SRP68: variants seen among roughly 807,000 people sequenced by gnomAD.
SRP68 encodes the protein signal recognition particle subunit SRP68.
SRP68 carries 15 observed loss-of-function variants against 82.2 expected under a neutral mutation model. The observed-to-expected ratio is 0.18, with a 90% CI of 0.12 to 0.28. SRP68 has a LOEUF of 0.28. Ranked by LOEUF, SRP68 falls within the 10% of genes least tolerant of loss-of-function variation. SRP68 has a pLI of 1.00. For synonymous variants in SRP68, 261 were observed against 292.6 expected (o/e 0.89, Z 1.10); for missense variants, 595 against 780.5 (o/e 0.76, Z 2.83).
At chr17:76,040,388 G>A (rs199987112) in intron 15 of SRP68, 31 bp downstream of exon 15, 86 of 1,600,884 alleles carry the variant, frequency 5.4e-5, no homozygotes, top group Middle Eastern at 3.3e-4. Context: ...ATCCTGCTTC[G>A]TATTCCTCAA....
chr17:76,064,993 T>C (rs986834357), intron 3 of SRP68, among the ~76,000 whole-genome samples: 8 of 152,168 alleles, frequency 5.3e-5, no homozygotes, highest in Admixed American at 1.3e-4. Flanking sequence ...CATGTAGTAA[T>C]ACAAATAACA....
At chr17:76,068,601 G>A (rs923608344) in intron 2 of SRP68, among the ~76,000 whole-genome samples, 1 of 152,174 alleles carries the variant, frequency 6.6e-6, no homozygotes, top group Non-Finnish European at 1.5e-5. Flanking sequence ...AGAAAAGTGA[G>A]GAAGCCAATT....
At chr17:76,057,599 T>C (rs899859827) in intron 7 of SRP68, 56 bp from the exon 8 acceptor site, 14 of 1,570,916 alleles carry the variant, frequency 8.9e-6, no homozygotes, top group Non-Finnish European at 1.2e-5. Context: ...GTGATGGAGG[T>C]GAAAATAAGT....
At chr17:76,062,987 G>A (rs945500111) in intron 4 of SRP68, among the ~76,000 whole-genome samples, 16 of 150,772 alleles carry the variant, frequency 1.1e-4, no homozygotes, top group East Asian at 4.0e-4. Flanking sequence ...AGCCAGGATG[G>A]TCTCGATCTC....
chr17:76,066,668 C>G (rs1018639507), intron 3 of SRP68, among the ~76,000 whole-genome samples: 1 of 146,946 alleles, frequency 6.8e-6, no homozygotes, highest in African/African-American at 2.5e-5. Flanking sequence ...GGAGAAGAAG[C>G]TTCCCTGTAC....
In SRP68 at chr17:76,040,408, C is replaced by T. The variant is rs1265353857; in HGVS notation, c.1656+11G>A. ...GCTTCGTATTCCTCAAAAACCATGG[C>T]CCAGACTTACCTTATTGTCCTTGAC... On this transcript the variant is annotated intron_variant, in intron 15 of 15. Transcript: ENST00000307877. 2 of 1,613,356 alleles carry T rather than the reference C, an allele frequency of 1.2e-6. No homozygotes were observed. The highest frequency in any genetic ancestry group is 4.5e-5 in the East Asian group (2 of 44,892).
chr17:76,043,179 AC>A (rs766542648), intron 13 of SRP68, among the ~76,000 whole-genome samples: 1 of 151,948 alleles, frequency 6.6e-6, no homozygotes, highest in Non-Finnish European at 1.5e-5. Flanking sequence ...TGGGAGGGTC[AC>A]TTGAGCCCAG....
Position 76,061,590 on chromosome 17 carries a change from AGAG to A in SRP68, c.562-19_562-17del, listed in dbSNP as rs1383265785. ...CTGTGTAAGCCTGTGAGGAGATGGA[AGAG>A]GAGGAACTGCTTCAACAGCAAACCA... On this transcript the variant is annotated splice_polypyrimidine_tract_variant and intron_variant, in intron 4 of 15. Coordinates refer to ENST00000307877, the MANE Select transcript of SRP68 (RefSeq NM_014230.4). 6.2e-7 allele frequency: 1 copy of A among 1,609,270 alleles called. No homozygotes were observed.
chr17:76,060,535 C>A, intron 6 of SRP68, 145 bp from the exon 7 acceptor site: 1 of 594,806 alleles, frequency 1.7e-6, no homozygotes, highest in Non-Finnish European at 3.0e-6. Flanking sequence ...GAAGACAAGT[C>A]TTTTATAAAG....
At chr17:76,045,001 C>G (rs1362474842) in intron 12 of SRP68, 1 of 238,026 alleles carries the variant, frequency 4.2e-6, no homozygotes, top group Non-Finnish European at 8.1e-6. Context: ...CTCAGCCTCC[C>G]AAAGTTCTGG....
rs1453607783 is a variant in SRP68, at chr17:76,039,992, A to G, written c.1657-59T>C. 12 of 1,541,864 alleles carry G rather than the reference A, an allele frequency of 7.8e-6. No homozygotes were observed. In the Admixed American group the frequency reaches 9.1e-5, roughly 12 times the overall value. On this transcript the variant is annotated intron_variant, in intron 15 of 15. Transcript: ENST00000307877. ...CGGTCACAGAACACCCTTGGTGAAC[A>G]TTCCTGAGTGCCGACTGCCTGGTTC...
In SRP68 at chr17:76,072,385, T is replaced by C. The variant is rs769624821; in HGVS notation, c.107A>G (p.Glu36Gly). The C allele has an allele frequency of 3.7e-6, 6 of 1,603,628 alleles. No homozygotes were observed. Among genetic ancestry groups the C allele is most frequent in the Non-Finnish European group, 5.1e-6 (6 of 1,175,332 alleles). ...AGGGCGTTCGTTTTCTTTATTTTCT[T>C]CCCCTCCGGCACCACGTCCACCGCC... is the stretch of plus-strand genomic sequence containing the variant. The part of the protein sequence containing the change: ...GSGGGRGAGG[E>G]ENKENERPSA... The change falls in exon 1 of 16, where the codon GAA (glutamate) becomes GGA (glycine). Residue 36 changes from glutamate (E) to glycine (G), a missense_variant. By Grantham distance (98) the Glu-to-Gly change is moderately conservative. This residue lies in a region of SRP68 where 100 missense variants were observed against 91.9 expected (regional missense o/e 1.09). Transcript: ENST00000307877. This position sits in a 1 kb window ranked among gnomAD's most constrained non-coding sequence, Gnocchi z 4.5.
rs776246406 is a variant in SRP68, at chr17:76,072,283, G to A, written c.184+25C>T. 1 of 1,607,968 alleles carries A rather than the reference G, an allele frequency of 6.2e-7. No individual in the cohort carries two copies. The highest frequency in any genetic ancestry group is 8.5e-7 in the Non-Finnish European group (1 of 1,178,162). Reference sequence around the variant, plus strand: ...CCAGTTCGACACGTAATCATTGCGAGTTAGGCCCGATTACTCTAGGATACT... The same window carrying A: ...CCAGTTCGACACGTAATCATTGCGAATTAGGCCCGATTACTCTAGGATACT... On this transcript the variant is annotated intron_variant, in intron 1 of 15. Transcript: ENST00000307877. The surrounding 1 kb of genome is among the most constrained non-coding windows in gnomAD (Gnocchi z 4.5).
At position 76,043,918 on chromosome 17, in the gene SRP68, A is replaced by C; in HGVS notation, c.1435T>G (p.Trp479Gly). The C allele has an allele frequency of 6.2e-7, 1 of 1,611,242 alleles. No homozygotes were observed. The highest frequency in any genetic ancestry group is 1.1e-5 in the South Asian group (1 of 90,564). The change falls in exon 13 of 16, where the codon TGG becomes GGG. Residue 479 changes from tryptophan to glycine, a missense_variant. Around this residue, in one of 2 missense-constraint regions of SRP68, gnomAD observed 495 missense variants for 688.6 expected, o/e 0.72. Coordinates refer to ENST00000307877, the MANE Select transcript of SRP68 (RefSeq NM_014230.4). ...TCATACAGGACAAGGGCTTCGCTCCACTTCTTCACCAGCACATAGGACTGA... is the reference window on the plus strand; with the variant it reads ...TCATACAGGACAAGGGCTTCGCTCCCCTTCTTCACCAGCACATAGGACTGA... ...IAQSYVLVKK[W>G]SEALVLYDRV...
intron 8 of SRP68, among the ~76,000 whole-genome samples, chr17:76,055,713 C>G (rs942066408): frequency 6.7e-6 from 1 of 150,150 alleles, no homozygotes; most frequent in African/African-American, 2.5e-5. Flanking sequence ...GAGATTGCAC[C>G]GCTGCACTCC....
chr17:76,059,577 T>C (rs1362599481), intron 7 of SRP68, among the ~76,000 whole-genome samples: 1 of 152,124 alleles, frequency 6.6e-6, no homozygotes, highest in African/African-American at 2.4e-5. Flanking sequence ...ATGTGGTTTA[T>C]ATTTTTCCCT....
In SRP68 at chr17:76,038,996, T is replaced by C. The variant is rs1402979850; in HGVS notation, c.*710A>G. 5.8e-6 allele frequency: 1 copy of C among 172,854 alleles called. No homozygotes were observed. Among genetic ancestry groups the C allele is most frequent in the African/African-American group, 2.4e-5 (1 of 42,356 alleles). 10.7% of individuals were successfully genotyped at this position (172,854 alleles called of 1,614,324 possible). ...GTATCTGGCATCAGCCTCACCTAGT[T>C]GCCGGTAAGTCAGGTTACACTTGAC... is the stretch of plus-strand genomic sequence containing the variant. On this transcript the variant is annotated 3_prime_UTR_variant, in exon 16 of 16. Coordinates refer to ENST00000307877, the MANE Select transcript of SRP68 (RefSeq NM_014230.4).
At position 76,051,202 on chromosome 17, in the gene SRP68, G is replaced by A. The variant is rs573248051; in HGVS notation, c.979-676C>T. ...CATACAAGGTTGACACGCATGAGAC[G>A]ACAGTCTTTGCACAAGTACTGGGTG... On this transcript the variant is annotated intron_variant, in intron 8 of 15. Coordinates refer to ENST00000307877, the MANE Select transcript of SRP68 (RefSeq NM_014230.4). Among the ~76,000 whole-genome samples the A allele has an allele frequency of 7.2e-5, 11 of 152,272 alleles. No homozygotes were observed. The South Asian group carries it at 1.5e-3, about 20-fold the overall frequency.
At chr17:76,053,342 G>A (rs952977535) in intron 8 of SRP68, 12 of 410,570 alleles carry the variant, frequency 2.9e-5, no homozygotes, top group Non-Finnish European at 3.6e-5. Flanking sequence ...TACGGCGCCC[G>A]TTTTAATTCC....
Sources: gnomAD v4.1 joint callset for allele counts (sites outside exome capture counted in the v4.1 genomes callset) on GRCh38, gnomAD v4.1.1 for gene constraint, gnomAD v4.1.1 regional missense constraint, Gnocchi (gnomAD v3.1) non-coding constraint, MANE v1.5 for transcripts, NCBI Gene and HGNC (gene_info 2026-07-23, HGNC 2026-07-21) for gene names.